The following DLG4 variants were observed in gnomAD, a reference collection of about 807,000 sequenced individuals.
The protein encoded by DLG4 is discs large MAGUK scaffold protein 4, also known as disks large homolog 4.
A neutral mutation model predicts 93.8 loss-of-function variants in DLG4; 7 were observed. The ratio of observed to expected loss-of-function variants is 0.07; its 90% CI spans 0.04 to 0.14. DLG4 has a LOEUF of 0.14. DLG4 is among the 10% of genes least tolerant of loss of function. DLG4 has a pLI of 1.00. For synonymous variants in DLG4, 341 were observed against 387.6 expected, an observed-to-expected ratio of 0.88 and a Z score of 1.41; for missense variants, 545 against 992.9, an observed-to-expected ratio of 0.55 and a Z score of 6.06.
rs548502952 is a variant in DLG4, at chr17:7,191,225, AG to A, written c.2068+41del. On this transcript the variant is annotated intron_variant, in intron 19 of 19. Transcript: ENST00000399506. The surrounding 1 kb of genome is among the most constrained non-coding windows in gnomAD (Gnocchi z 6.6). ...GGGGGAGCTCTTTCTAATCCGAGCA[AG>A]GGCACCCTACATGCTGGCAACAGCC... 6.1e-5 allele frequency: 97 copies of A among 1,596,156 alleles called. 1 individual carries two copies. The South Asian group carries it at 1.0e-3, about 17-fold the overall frequency.
chr17:7,191,684 G>A lies in DLG4; in HGVS notation c.1976+209C>T. On this transcript the variant is annotated intron_variant, in intron 18 of 19. Coordinates refer to ENST00000399506, the MANE Select transcript of DLG4 (RefSeq NM_001321075.3). The surrounding 1 kb of genome is among the most constrained non-coding windows in gnomAD (Gnocchi z 6.6). ...CCCCAGCTGGTATGCCCCAGGGGCT[G>A]CTGGGAAATGTAGTCCTGTCTAGCC... The A allele has an allele frequency of 1.0e-5, 6 of 581,924 alleles. No homozygotes were observed. The highest frequency in any genetic ancestry group is 1.9e-5 in the Non-Finnish European group (6 of 321,392). 36.0% of individuals were successfully genotyped at this position (581,924 alleles called of 1,614,324 possible). A position where few individuals can be genotyped will look rare whatever the true frequency, so the allele number is the denominator to read the frequency against.
intron 2 of DLG4, among the ~76,000 whole-genome samples, chr17:7,207,094 G>A (rs222856): frequency 0.011 from 1,716 of 152,110 alleles, 15 homozygotes; most frequent in Non-Finnish European, 0.018. Context: ...AACAGGTGGT[G>A]GGGGATGATG....
At position 7,196,762 on chromosome 17, in the gene DLG4, G is replaced by A. The variant is rs1447958457; in HGVS notation, c.1078C>T (p.Leu360=). The A allele has an allele frequency of 1.9e-6, 3 of 1,605,136 alleles. No individual in the cohort carries two copies. Among genetic ancestry groups the A allele is most frequent in the Non-Finnish European group, 2.6e-6 (3 of 1,175,706 alleles). ...AGGGGCAGGCCTTCCCTCACCGACA[G>A]GATCTGGTCCCCCTTCCGCAGCTCC... ...SGELRKGDQI[L]SVNGVDLRNA... is the part of the protein sequence containing the mutation. Residue 360 remains leucine, a synonymous_variant, in exon 9 of 20, where the codon CTG becomes TTG. Transcript: ENST00000399506. This position sits in a 1 kb window ranked among gnomAD's most constrained non-coding sequence, Gnocchi z 8.3.
upstream of DLG4, chr17:7,218,146 C>G (rs1333268710): frequency 1.7e-6 from 2 of 1,164,760 alleles, no homozygotes; most frequent in Non-Finnish European, 2.5e-6. Flanking sequence ...GTCAGCAGGG[C>G]CCCCAAGATT....
Position 7,193,804 on chromosome 17 carries a change from G to T in DLG4, c.1543+40C>A, listed in dbSNP as rs1361250390. 6.2e-7 allele frequency: 1 copy of T among 1,612,410 alleles called. No individual in the cohort carries two copies. The highest frequency in any genetic ancestry group is 8.5e-7 in the Non-Finnish European group (1 of 1,179,248). On this transcript the variant is annotated intron_variant, in intron 14 of 19. Transcript: ENST00000399506. The surrounding 1 kb of genome is among the most constrained non-coding windows in gnomAD (Gnocchi z 6.7). ...TTGAGGATATCAAAAGCAACTCAGT[G>T]CTCCTCTCACCCACATCTTCCCGAA...
chr17:7,192,813 G>A, intron 17 of DLG4, 132 bp downstream of exon 17: 2 of 980,446 alleles, frequency 2.0e-6, no homozygotes, highest in East Asian at 2.7e-5. Context: ...AAGAGGAGAA[G>A]GAGGTGGAGG....
chr17:7,191,739 T>G lies in DLG4; in HGVS notation c.1976+154A>C. On this transcript the variant is annotated intron_variant, in intron 18 of 19. Coordinates refer to ENST00000399506, the MANE Select transcript of DLG4 (RefSeq NM_001321075.3). The surrounding 1 kb of genome is among the most constrained non-coding windows in gnomAD (Gnocchi z 6.6). ...CAGGAGAGGAGGGGAAAGACCCGAT[T>G]CCCCCACATCCTCTGGGTTCCAGGG... The G allele has an allele frequency of 3.4e-6, 2 of 582,102 alleles. No homozygotes were observed. Among genetic ancestry groups the G allele is most frequent in the Non-Finnish European group, 6.1e-6 (2 of 328,386 alleles). 36.1% of individuals were successfully genotyped at this position (582,102 alleles called of 1,614,324 possible).
Position 7,217,154 on chromosome 17 carries a change from G to C in DLG4, c.-7C>G. On this transcript the variant is annotated 5_prime_UTR_variant, in exon 1 of 20. Coordinates refer to ENST00000399506, the MANE Select transcript of DLG4 (RefSeq NM_001321075.3). ...CTATACAGAGACAGTCCATGTTGGG[G>C]GGCCTGGCCGCGGCGGCGGGTAAGG... 1 of 1,289,926 alleles carries C rather than the reference G, an allele frequency of 7.8e-7. No homozygotes were observed. The highest frequency in any genetic ancestry group is 9.9e-7 in the Non-Finnish European group (1 of 1,015,192). 79.9% of individuals were successfully genotyped at this position (1,289,926 alleles called of 1,614,324 possible).
At position 7,193,405 on chromosome 17, in the gene DLG4, C is replaced by T. The variant is rs2069602674; in HGVS notation, c.1693+78G>A. On this transcript the variant is annotated intron_variant, in intron 16 of 19. Transcript: ENST00000399506. This position sits in a 1 kb window ranked among gnomAD's most constrained non-coding sequence, Gnocchi z 6.7. ...CACACCGATCCCCCAGGAGGCTCTG[C>T]CTATGGCCCCAGGGATGGGCCTCCC... is the stretch of plus-strand genomic sequence containing the variant. The T allele has an allele frequency of 7.2e-7, 1 of 1,388,360 alleles. No homozygotes were observed. The highest frequency in any genetic ancestry group is 9.7e-7 in the Non-Finnish European group (1 of 1,034,834). The allele number at this position is 1,388,360 out of a possible 1,614,324, so 86.0% of individuals were successfully genotyped here.
Position 7,217,334 on chromosome 17 carries a change from GA to G in DLG4, c.-188del, listed in dbSNP as rs2070967166. On this transcript the variant is annotated 5_prime_UTR_variant, in exon 1 of 20. Coordinates refer to ENST00000399506, the MANE Select transcript of DLG4 (RefSeq NM_001321075.3). Reference sequence around the variant, plus strand: ...GGGAAGGGGAGGGGAGCGTGGGAGGGAGGGGAAGGGGGCCCTAAAAGGGGCT... The same window carrying G: ...GGGAAGGGGAGGGGAGCGTGGGAGGGGGGGAAGGGGGCCCTAAAAGGGGCT... 4.0e-6 allele frequency: 1 copy of G among 248,564 alleles called. No individual in the cohort carries two copies. Among genetic ancestry groups the G allele is most frequent in the Admixed American group, 6.2e-5 (1 of 16,034 alleles). 15.4% of individuals were successfully genotyped at this position (248,564 alleles called of 1,614,324 possible). A position where few individuals can be genotyped will look rare whatever the true frequency, so the allele number is the denominator to read the frequency against.
Position 7,192,938 on chromosome 17 carries a change from G to A in DLG4, c.1866+7C>T, listed in dbSNP as rs1263689546. 10 of 1,609,170 alleles carry A rather than the reference G, an allele frequency of 6.2e-6. No homozygotes were observed. Among genetic ancestry groups the A allele is most frequent in the Non-Finnish European group, 8.5e-6 (10 of 1,177,658 alleles). ...AGGAAGAGGACCGGGTGCCCGCCAGGTCCTACCTGCTCTGCCACCTCTCGC... is the reference window on the plus strand; with the variant it reads ...AGGAAGAGGACCGGGTGCCCGCCAGATCCTACCTGCTCTGCCACCTCTCGC... On this transcript the variant is annotated splice_region_variant and intron_variant, in intron 17 of 19. Coordinates refer to ENST00000399506, the MANE Select transcript of DLG4 (RefSeq NM_001321075.3).
rs985063654 is a variant in DLG4, at chr17:7,202,973, G to A, written c.717C>T (p.Val239=). The A allele has an allele frequency of 6.2e-7, 1 of 1,613,900 alleles. No homozygotes were observed. The highest frequency in any genetic ancestry group is 1.3e-5 in the African/African-American group (1 of 74,922). The change falls in exon 8 of 20, where the codon GTC becomes GTT. Residue 239 remains valine, a synonymous_variant. Transcript: ENST00000399506. ...VAALKNTYDV[V]YLKVAKPSNA... ...TGCTGGGCTTGGCCACCTTTAGGTAGACAACATCATACGTGTTCTTCAGGG... is the reference window on the plus strand; with the variant it reads ...TGCTGGGCTTGGCCACCTTTAGGTAAACAACATCATACGTGTTCTTCAGGG...
rs1191454980 is a variant in DLG4, at chr17:7,196,233, C to T, written c.1288G>A (p.Gly430Ser). The change falls in exon 11 of 20, where the codon GGT becomes AGT. Residue 430 changes from glycine (G) to serine (S), a missense_variant. Physicochemically the swap from Gly to Ser is moderately conservative, Grantham distance 56. Coordinates refer to ENST00000399506, the MANE Select transcript of DLG4 (RefSeq NM_001321075.3). The surrounding 1 kb of genome is among the most constrained non-coding windows in gnomAD (Gnocchi z 8.3). ...TASLRSNPKR[G>S]FYIRALFDYD... Reference sequence around the variant, plus strand: ...GAAGCCTCTGACCTGATGTAGAAACCCCTTTTGGGGTTGCTCCGCAGGGAC... The same window carrying T: ...GAAGCCTCTGACCTGATGTAGAAACTCCTTTTGGGGTTGCTCCGCAGGGAC... 1 of 1,613,780 alleles carries T rather than the reference C, an allele frequency of 6.2e-7. No individual in the cohort carries two copies.
In DLG4 at chr17:7,196,920, A is replaced by G. The variant is rs2069820358; in HGVS notation, c.920T>C (p.Ile307Thr). 1.2e-6 allele frequency: 2 copies of G among 1,613,770 alleles called. No homozygotes were observed. The highest frequency in any genetic ancestry group is 1.1e-5 in the South Asian group (1 of 91,016). ...VAKDLLGEEDIPREPRRIVIH... is the reference protein window; with the variant it reads ...VAKDLLGEEDTPREPRRIVIH... ...CACAATTCGCCTCGGTTCTCGGGGA[A>G]TGTCTTCCTCCCCGAGCAGGTCCTT... is the stretch of plus-strand genomic sequence containing the variant. Residue 307 changes from isoleucine to threonine, a missense_variant, in exon 9 of 20, where the codon ATT (isoleucine) becomes ACT (threonine). This residue lies in a region of DLG4 where 428 missense variants were observed against 741.4 expected (regional missense o/e 0.58). Coordinates refer to ENST00000399506, the MANE Select transcript of DLG4 (RefSeq NM_001321075.3). The surrounding 1 kb of genome is among the most constrained non-coding windows in gnomAD (Gnocchi z 8.3).
rs1597507481 is a variant in DLG4, at chr17:7,217,599, G to A, written c.-452C>T. 4.7e-5 allele frequency: 66 copies of A among 1,395,084 alleles called. No homozygotes were observed. In the South Asian group the frequency reaches 9.0e-4, roughly 19 times the overall value. The allele number at this position is 1,395,084 out of a possible 1,614,324, so 86.4% of individuals were successfully genotyped here. The stretch of plus-strand genomic sequence containing the variant: ...AACGGCAGCGGCCGAGGGAGCCGTG[G>A]AGCCGAAGAGGGAAGGGGAGAGAGG... On this transcript the variant is annotated 5_prime_UTR_variant, in exon 1 of 20. Transcript: ENST00000399506.
At chr17:7,212,936 G>A (rs1052081358) in intron 1 of DLG4, among the ~76,000 whole-genome samples, 1 of 152,150 alleles carries the variant, frequency 6.6e-6, no homozygotes, top group African/African-American at 2.4e-5. Flanking sequence ...GGGAGGCTGA[G>A]GCAGGAGGAT....
intron 2 of DLG4, among the ~76,000 whole-genome samples, chr17:7,207,536 G>T (rs1276053955): frequency 6.6e-6 from 1 of 152,054 alleles, no homozygotes; most frequent in Non-Finnish European, 1.5e-5. Context: ...GAGGTAGGGG[G>T]AGGAGGCGGG....
At chr17:7,217,922 C>T (rs2071010067), upstream of DLG4, 14 of 1,137,202 alleles carry the variant, frequency 1.2e-5, no homozygotes, top group Admixed American at 2.1e-5. Flanking sequence ...GGTAGGGGGT[C>T]GGGTGTGAGG....
intron 2 of DLG4, chr17:7,205,198 A>G (rs2070395547): frequency 7.1e-6 from 7 of 982,456 alleles, no homozygotes; most frequent in Non-Finnish European, 8.5e-6. Context: ...GGGAGTGGTG[A>G]AAGACATCCG....
Sources: allele counts gnomAD v4.1 joint callset (sites outside exome capture counted in the v4.1 genomes callset), GRCh38; gene constraint gnomAD v4.1.1; regional missense constraint gnomAD v4.1.1; non-coding constraint Gnocchi (gnomAD v3.1); transcripts MANE v1.5; gene names NCBI Gene and HGNC (gene_info 2026-07-23, HGNC 2026-07-21).